The following PUDP variants were observed in gnomAD, a reference collection of about 807,000 sequenced individuals.
The protein encoded by PUDP is pseudouridine-5'-phosphatase.
A neutral mutation model predicts 9.4 loss-of-function variants in PUDP; 8 were observed. The ratio of observed to expected loss-of-function variants is 0.85; its 90% confidence interval spans 0.50 to 1.53. PUDP has a LOEUF of 1.53. Among genes scored for constraint, PUDP ranks in the 40% most tolerant of loss-of-function variants. The pLI is 0.00. For missense variants in PUDP, 188 were observed against 189.7 expected (o/e 0.99, Z 0.05); for synonymous variants, 99 against 80.7 (o/e 1.23, Z -1.22).
intron 3 of PUDP, among the ~76,000 whole-genome samples, chrX:6,795,196 C>T (rs369545958): frequency 1.8e-5 from 2 of 111,355 alleles, no homozygotes; most frequent in African/African-American, 6.5e-5. Flanking sequence ...TGTGGTCTGT[C>T]ACTGACAGAA....
intron 3 of PUDP, among the ~76,000 whole-genome samples, chrX:6,755,895 T>C (rs145949254): frequency 0.012 from 1,260 of 109,271 alleles, 58 homozygotes; most frequent in Admixed American, 0.11. Context: ...AAATAATGAG[T>C]TACGACTAAA....
At chrX:7,027,254 A>G (rs1018015248) in intron 1 of PUDP, among the ~76,000 whole-genome samples, 12 of 111,038 alleles carry the variant, frequency 1.1e-4, no homozygotes, top group African/African-American at 3.9e-4. Context: ...CTGCTGCATC[A>G]GGATAAAACC....
chrX:6,762,802 C>T, intron 3 of PUDP, among the ~76,000 whole-genome samples: 1 of 111,873 alleles, frequency 8.9e-6, no homozygotes, highest in Non-Finnish European at 1.9e-5. Flanking sequence ...CATTCAGAGG[C>T]CACCCTGGAG....
Position 7,050,160 on chromosome X carries a change from G to T in PUDP, c.*136C>A. On this transcript the variant is annotated 3_prime_UTR_variant, in exon 4 of 4. Coordinates refer to ENST00000381077, the MANE Select transcript of PUDP (RefSeq NM_012080.5). ...CGTTAGACTGGGACAAACCAACATG[G>T]GATGGAAACTCCAATCTCAGGAGGC... The T allele has an allele frequency of 1.7e-6, 1 of 575,557 alleles. No homozygotes were observed. Among genetic ancestry groups the T allele is most frequent in the Non-Finnish European group, 2.7e-6 (1 of 376,683 alleles). 47.4% of individuals were successfully genotyped at this position (575,557 alleles called of 1,213,427 possible).
chrX:7,139,677 G>A (rs1035987332), intron 1 of PUDP, among the ~76,000 whole-genome samples: 8 of 112,121 alleles, frequency 7.1e-5, no homozygotes, highest in Admixed American at 2.8e-4. Flanking sequence ...GGGAGTCAAA[G>A]AGCAAACTTT....
At chrX:6,896,940 G>GTA (rs922517543) in intron 3 of PUDP, among the ~76,000 whole-genome samples, 3 of 111,837 alleles carry the variant, frequency 2.7e-5, no homozygotes, top group African/African-American at 9.7e-5. Context: ...TTTCTGCTAA[G>GTA]TATTTTATAA....
intron 2 of PUDP, among the ~76,000 whole-genome samples, chrX:7,082,298 A>C (rs1301294744): frequency 1.8e-5 from 2 of 112,468 alleles, no homozygotes; most frequent in East Asian, 5.6e-4. Flanking sequence ...AGGGATGTGC[A>C]ATTAAACAGG....
intron 3 of PUDP, among the ~76,000 whole-genome samples, chrX:7,059,712 T>TGG (rs1433265095): frequency 1.8e-5 from 2 of 112,170 alleles, no homozygotes; most frequent in Non-Finnish European, 3.8e-5. Flanking sequence ...GACTTGCTTG[T>TGG]GGTATGCTTG....
At chrX:6,904,154 G>A (rs1927734232) in intron 3 of PUDP, among the ~76,000 whole-genome samples, 1 of 109,731 alleles carries the variant, frequency 9.1e-6, no homozygotes, top group African/African-American at 3.3e-5. Context: ...GTTTTGCCAT[G>A]TTGACCAGGC....
At chrX:6,930,268 G>T (rs1207628975) in intron 3 of PUDP, among the ~76,000 whole-genome samples, 2 of 111,119 alleles carry the variant, frequency 1.8e-5, no homozygotes, top group African/African-American at 6.6e-5. Flanking sequence ...TTAGCCAAAG[G>T]ATGAGACAGG....
At chrX:6,982,949 G>A (rs181992577) in intron 1 of PUDP, among the ~76,000 whole-genome samples, 9 of 111,925 alleles carry the variant, frequency 8.0e-5, no homozygotes, top group Non-Finnish European at 1.1e-4. Context: ...ATTGCCCGGC[G>A]AAAGGATAAA....
intron 3 of PUDP, among the ~76,000 whole-genome samples, chrX:6,970,701 G>A (rs1056403912): frequency 9.0e-6 from 1 of 111,727 alleles, no homozygotes; most frequent in Non-Finnish European, 1.9e-5. Context: ...AGCCAGCCAA[G>A]CTTTTTATCC....
chrX:7,026,981 G>A (rs1288196277), intron 1 of PUDP, among the ~76,000 whole-genome samples: 1 of 111,386 alleles, frequency 9.0e-6, no homozygotes, highest in African/African-American at 3.3e-5. Context: ...CTTCCCTTAG[G>A]AAGAAATCTT....
chrX:6,969,700 G>A (rs1476673640), intron 3 of PUDP, among the ~76,000 whole-genome samples: 1 of 111,696 alleles, frequency 9.0e-6, no homozygotes, highest in Non-Finnish European at 1.9e-5. Context: ...AACATAGAAA[G>A]ATCCAGTGTT....
intron 3 of PUDP, among the ~76,000 whole-genome samples, chrX:6,798,014 C>T (rs1047498309): frequency 9.8e-5 from 11 of 111,889 alleles, no homozygotes; most frequent in Non-Finnish European, 2.1e-4. Context: ...TATAGGAAAC[C>T]CAACAGTTGG....
chrX:6,941,876 T>C (rs1016839717), intron 3 of PUDP, among the ~76,000 whole-genome samples: 1 of 112,189 alleles, frequency 8.9e-6, no homozygotes, highest in Non-Finnish European at 1.9e-5. Context: ...ATCTACTCTC[T>C]AGAAAGAAAT....
intron 1 of PUDP, among the ~76,000 whole-genome samples, chrX:7,110,437 C>T (rs1395658964): frequency 8.9e-6 from 1 of 112,277 alleles, no homozygotes; most frequent in Non-Finnish European, 1.9e-5. Context: ...GCTTACCATG[C>T]AAATGGGGAC....
intron 2 of PUDP, among the ~76,000 whole-genome samples, chrX:7,102,710 C>A (rs1458393782): frequency 3.7e-5 from 4 of 108,695 alleles, no homozygotes; most frequent in African/African-American, 1.0e-4. Context: ...AAAAAAAAAA[C>A]CCAATTGTTA....
At chrX:6,891,276 T>C (rs992507893) in intron 3 of PUDP, among the ~76,000 whole-genome samples, 2 of 112,171 alleles carry the variant, frequency 1.8e-5, no homozygotes, top group African/African-American at 3.2e-5. Context: ...GGATGACATA[T>C]AGAGTATCAC....
Sources: gnomAD v4.1 joint callset for allele counts (sites outside exome capture counted in the v4.1 genomes callset) on GRCh38, gnomAD v4.1.1 for gene constraint, MANE v1.5 for transcripts, NCBI Gene and HGNC (gene_info 2026-07-23, HGNC 2026-07-21) for gene names.